Variants in DCUN1D5 observed in about 807,000 individuals in gnomAD.
DCUN1D5 encodes DCN1-like protein 5.
DCUN1D5 carries 10 observed loss-of-function variants against 38.3 expected under a neutral mutation model. The observed-to-expected ratio is 0.26, with a 90% CI of 0.16 to 0.44. DCUN1D5 has a LOEUF of 0.44. Among genes scored for constraint, DCUN1D5 ranks in the 20% least tolerant of loss-of-function variants. The pLI, the probability that DCUN1D5 is intolerant of heterozygous loss-of-function variation, is 1.00. For missense variants in DCUN1D5, 148 were observed against 275.3 expected, an observed-to-expected ratio of 0.54 and a Z score of 3.27; for synonymous variants, 93 against 90.9, an observed-to-expected ratio of 1.02 and a Z score of -0.13.
rs1298775996 is a variant in DCUN1D5 at position 103,056,934 on chromosome 11, G to T, written c.*5425C>A. ...CTATTTGAACTTCGTAACAATACTG[G>T]TAGGTATCATTATCGCCATTTTACA... On this transcript the variant is annotated 3_prime_UTR_variant, in exon 8 of 8. Coordinates refer to ENST00000260247, the MANE Select transcript of DCUN1D5 (RefSeq NM_032299.4). This position sits in a 1 kb window ranked among gnomAD's most constrained non-coding sequence, Gnocchi z 4.9. Among the ~76,000 whole-genome samples the T allele has an allele frequency of 6.6e-6, 1 of 152,132 alleles. No individual in the cohort carries two copies. Among genetic ancestry groups the T allele is most frequent in the Non-Finnish European group, 1.5e-5 (1 of 68,034 alleles).
chr11:103,076,506 C>A lies in DCUN1D5; in HGVS notation c.341+6242G>T, dbSNP rs1309322621. Among the ~76,000 whole-genome samples, 3 of 152,130 alleles carry A rather than the reference C, an allele frequency of 2.0e-5. No homozygotes were observed. In the East Asian group the frequency reaches 5.8e-4, roughly 29 times the overall value. On this transcript the variant is annotated intron_variant, in intron 4 of 7. Transcript: ENST00000260247. ...TTAAGAAATAAAGTGAAGGGAAGAA[C>A]AAATTTTCAAGTCAAACAGATTGGT... is the stretch of plus-strand genomic sequence containing the variant.
rs1862893267 is a variant in DCUN1D5, at chr11:103,092,160, C to G, written c.-288G>C. 1 of 384,644 alleles carries G rather than the reference C, an allele frequency of 2.6e-6. No individual in the cohort carries two copies. The highest frequency in any genetic ancestry group is 4.3e-5 in the Admixed American group (1 of 23,094). The allele number at this position is 384,644 out of a possible 1,614,324, so 23.8% of individuals were successfully genotyped here. A position where few individuals can be genotyped will look rare whatever the true frequency, so the allele number is the denominator to read the frequency against. On this transcript the variant is annotated 5_prime_UTR_variant, in exon 1 of 8. Transcript: ENST00000260247. Reference sequence around the variant, plus strand: ...CGGCAGCTCCACCAGTCACAGCAAGCAAGAGGCTCAGCCTAACCCGGAGGC... The same window carrying G: ...CGGCAGCTCCACCAGTCACAGCAAGGAAGAGGCTCAGCCTAACCCGGAGGC...
Position 103,091,991 on chromosome 11 carries a change from C to T in DCUN1D5, c.-119G>A. ...ACAGCAGCAAGCGGAGGAGCAGAGT[C>T]GCCAGCCCGCACCGGCGCGGCCCAG... is the stretch of plus-strand genomic sequence containing the variant. On this transcript the variant is annotated 5_prime_UTR_variant, in exon 1 of 8. Coordinates refer to ENST00000260247, the MANE Select transcript of DCUN1D5 (RefSeq NM_032299.4). This position sits in a 1 kb window ranked among gnomAD's most constrained non-coding sequence, Gnocchi z 4.3. 1 of 940,262 alleles carries T rather than the reference C, an allele frequency of 1.1e-6. No individual in the cohort carries two copies. Among genetic ancestry groups the T allele is most frequent in the Non-Finnish European group, 1.5e-6 (1 of 647,256 alleles). The allele number at this position is 940,262 out of a possible 1,614,324, so 58.2% of individuals were successfully genotyped here. A position where few individuals can be genotyped will look rare whatever the true frequency, so the allele number is the denominator to read the frequency against.
At chr11:103,081,005 C>T (rs867666994) in intron 4 of DCUN1D5, among the ~76,000 whole-genome samples, 1 of 147,464 alleles carries the variant, frequency 6.8e-6, no homozygotes, top group African/African-American at 2.5e-5. Flanking sequence ...AAGACTCCGT[C>T]TAAAAAAAAA....
At position 103,058,896 on chromosome 11, in the gene DCUN1D5, T is replaced by C. The variant is rs7125239; in HGVS notation, c.*3463A>G. Among the ~76,000 whole-genome samples, 3 of 150,752 alleles carry C rather than the reference T, an allele frequency of 2.0e-5. No homozygotes were observed. In the Middle Eastern group the frequency reaches 0.01, roughly 513 times the overall value. ...TAGGAGTAAGACTTTTGGGTTTTTT[T>C]GGGGGGGGTTTTAATTTTATTTTTT... On this transcript the variant is annotated 3_prime_UTR_variant, in exon 8 of 8. Coordinates refer to ENST00000260247, the MANE Select transcript of DCUN1D5 (RefSeq NM_032299.4).
rs1591204400 is a variant in DCUN1D5 at position 103,063,889 on chromosome 11, C to A, written c.658+386G>T. On this transcript the variant is annotated intron_variant, in intron 7 of 7. Coordinates refer to ENST00000260247, the MANE Select transcript of DCUN1D5 (RefSeq NM_032299.4). The surrounding 1 kb of genome is among the most constrained non-coding windows in gnomAD (Gnocchi z 4.6). ...ATTGTTAATGGGTAGCATAATATTA[C>A]AATAATGTTAAAGCTTTTTCTATTG... Among the ~76,000 whole-genome samples, 1 of 152,040 alleles carries A rather than the reference C, an allele frequency of 6.6e-6. No individual in the cohort carries two copies. The highest frequency in any genetic ancestry group is 1.9e-4 in the East Asian group (1 of 5,186).
intron 4 of DCUN1D5, among the ~76,000 whole-genome samples, chr11:103,075,833 G>A (rs1862395154): frequency 6.6e-6 from 1 of 152,196 alleles, no homozygotes; most frequent in Non-Finnish European, 1.5e-5. Context: ...TATGCTTGAT[G>A]AGGAAACAAG....
intron 4 of DCUN1D5, among the ~76,000 whole-genome samples, chr11:103,067,371 T>C (rs948775523): frequency 9.2e-5 from 14 of 152,140 alleles, no homozygotes; most frequent in Admixed American, 4.6e-4. Flanking sequence ...ATGCTCTAAT[T>C]ATATCACTTA....
intron 2 of DCUN1D5, among the ~76,000 whole-genome samples, chr11:103,084,603 C>T (rs1862651066): frequency 6.6e-6 from 1 of 152,074 alleles, no homozygotes; most frequent in Non-Finnish European, 1.5e-5. Flanking sequence ...AATTTTATAA[C>T]TTAAAAGGCA....
chr11:103,081,542 T>A (rs1862563919), intron 4 of DCUN1D5, among the ~76,000 whole-genome samples: 1 of 152,180 alleles, frequency 6.6e-6, no homozygotes, highest in African/African-American at 2.4e-5. Flanking sequence ...TTATAAGGAA[T>A]GTTGATTTAT....
At position 103,064,471 on chromosome 11, in the gene DCUN1D5, G is replaced by A. The variant is rs1862086203; in HGVS notation, c.556-94C>T. ...TAAGTTTTAACTGTTTTTGTGATTT[G>A]GTTTTTTCTAAAACATTTACTATTT... On this transcript the variant is annotated intron_variant, in intron 6 of 7. Transcript: ENST00000260247. This position sits in a 1 kb window ranked among gnomAD's most constrained non-coding sequence, Gnocchi z 4.5. 1.1e-6 allele frequency: 1 copy of A among 941,384 alleles called. No homozygotes were observed. Among genetic ancestry groups the A allele is most frequent in the Non-Finnish European group, 1.5e-6 (1 of 672,450 alleles). The allele number at this position is 941,384 out of a possible 1,614,324, so 58.3% of individuals were successfully genotyped here. A position where few individuals can be genotyped will look rare whatever the true frequency, so the allele number is the denominator to read the frequency against.
intron 4 of DCUN1D5, among the ~76,000 whole-genome samples, chr11:103,072,515 T>C (rs868452896): frequency 2.4e-4 from 37 of 152,188 alleles, no homozygotes; most frequent in African/African-American, 7.7e-4. Flanking sequence ...CCATCCCAAA[T>C]GTCCATCAAT....
In DCUN1D5 at chr11:103,061,347, G is replaced by A. The variant is rs1254170675; in HGVS notation, c.*1012C>T. Among the ~76,000 whole-genome samples the A allele has an allele frequency of 6.6e-6, 1 of 152,080 alleles. No homozygotes were observed. The highest frequency in any genetic ancestry group is 1.5e-5 in the Non-Finnish European group (1 of 67,996). ...TGGTTTGAAAAGGAATGTACAAACA[G>A]GCCTGCTGCTAGTACAAAAGTGCCT... is the stretch of plus-strand genomic sequence containing the variant. On this transcript the variant is annotated 3_prime_UTR_variant, in exon 8 of 8. Transcript: ENST00000260247.
Position 103,066,171 on chromosome 11 carries a change from T to C in DCUN1D5, c.555+98A>G. On this transcript the variant is annotated intron_variant, in intron 6 of 7. Transcript: ENST00000260247. The surrounding 1 kb of genome is among the most constrained non-coding windows in gnomAD (Gnocchi z 4.7). ...TTAGAATTTTTTCTCTAAAGTTTTT[T>C]TAAAGCATACTATTAAAAATCTACT... The C allele has an allele frequency of 1.4e-6, 1 of 712,358 alleles. No homozygotes were observed. The allele number at this position is 712,358 out of a possible 1,614,324, so 44.1% of individuals were successfully genotyped here.
In DCUN1D5 at chr11:103,063,679, T is replaced by C. The variant is rs1862068411; in HGVS notation, c.658+596A>G. On this transcript the variant is annotated intron_variant, in intron 7 of 7. Coordinates refer to ENST00000260247, the MANE Select transcript of DCUN1D5 (RefSeq NM_032299.4). The surrounding 1 kb of genome is among the most constrained non-coding windows in gnomAD (Gnocchi z 4.6). ...AATTTATAGTTCTACAGAATTAACT[T>C]GGTTTATCTAATTAATTTATCATTA... 6.6e-6 allele frequency among the ~76,000 whole-genome samples: 1 copy of C among 152,140 alleles called. No individual in the cohort carries two copies. The highest frequency in any genetic ancestry group is 2.4e-5 in the African/African-American group (1 of 41,440).
intron 4 of DCUN1D5, among the ~76,000 whole-genome samples, chr11:103,067,490 C>A (rs1026121992): frequency 2.0e-5 from 3 of 152,144 alleles, no homozygotes; most frequent in African/African-American, 7.2e-5. Context: ...ATTTTGCCAC[C>A]TCTGAGAGAC....
At chr11:103,082,629 T>C in intron 4 of DCUN1D5, 119 bp downstream of exon 4, 1 of 697,642 alleles carries the variant, frequency 1.4e-6, no homozygotes, top group Non-Finnish European at 2.4e-6. Context: ...AACTAATTGT[T>C]ATAGATCAAA....
Position 103,078,629 on chromosome 11 carries a change from C to T in DCUN1D5, c.341+4119G>A, listed in dbSNP as rs534128190. 3.9e-5 allele frequency among the ~76,000 whole-genome samples: 6 copies of T among 152,348 alleles called. No individual in the cohort carries two copies. Among genetic ancestry groups the T allele is most frequent in the Non-Finnish European group, 5.9e-5 (4 of 68,032 alleles). ...AACTCTCTCAACGTATTAGCTAAAG[C>T]ACTCTACAGTGAAGCCATCACTCAA... On this transcript the variant is annotated intron_variant, in intron 4 of 7. Transcript: ENST00000260247. This position sits in a 1 kb window ranked among gnomAD's most constrained non-coding sequence, Gnocchi z 4.6.
At chr11:103,072,189 G>C (rs1862288340) in intron 4 of DCUN1D5, among the ~76,000 whole-genome samples, 1 of 152,066 alleles carries the variant, frequency 6.6e-6, no homozygotes. Context: ...TATCGACATA[G>C]TGGTAGAAGT....
Sources: allele counts gnomAD v4.1 joint callset (sites outside exome capture counted in the v4.1 genomes callset), GRCh38; gene constraint gnomAD v4.1.1; non-coding constraint Gnocchi (gnomAD v3.1); transcripts MANE v1.5; gene names NCBI Gene and HGNC (gene_info 2026-07-23, HGNC 2026-07-21).